Variants in FAT3 observed in about 807,000 individuals in gnomAD.
FAT3 encodes the protein protocadherin Fat 3.
FAT3 carries 95 observed loss-of-function variants against 310.2 expected under a neutral mutation model. That is an observed-to-expected ratio of 0.31 (90% CI 0.26 to 0.36). FAT3 has a LOEUF of 0.36. FAT3 is among the 10% of genes least tolerant of loss of function. The pLI is 1.00. For missense variants in FAT3, 5,408 were observed against 5,715.6 expected (o/e 0.95, Z 1.74); for synonymous variants, 2,314 against 2,192.9 (o/e 1.06, Z -1.54).
chr11:92,703,741 G>T (rs572550251), intron 4 of FAT3, among the ~76,000 whole-genome samples: 5 of 152,312 alleles, frequency 3.3e-5, no homozygotes, highest in Admixed American at 6.5e-5. Flanking sequence ...ACTGTTCAAG[G>T]CCTGGCATTG....
chr11:92,558,153 A>G (rs1461049881), intron 3 of FAT3, among the ~76,000 whole-genome samples: 1 of 152,222 alleles, frequency 6.6e-6, no homozygotes. Flanking sequence ...CCAGGAGAGC[A>G]GAGGGTACTT....
rs545899756 is a variant in FAT3 at position 92,531,879 on chromosome 11, T to C, written c.3607+6931T>C. On this transcript the variant is annotated intron_variant, in intron 3 of 27. Transcript: ENST00000525166. ...CGTCGTGGGGAGCTGTTCTATATGT[T>C]ATATAAGATGTTCAGCAGTATCCCT... Among the ~76,000 whole-genome samples the C allele has an allele frequency of 2.9e-4, 44 of 152,248 alleles. 1 individual carries two copies. Among genetic ancestry groups the C allele is most frequent in the African/African-American group, 1.0e-3 (43 of 41,532 alleles).
intron 2 of FAT3, among the ~76,000 whole-genome samples, chr11:92,442,111 A>ATATATTTTTTTTT (rs1453396603): frequency 2.2e-5 from 1 of 45,212 alleles, no homozygotes; most frequent in African/African-American, 1.8e-4. Context: ...ATATATATAT[A>ATATATTTTTTTTT]TTTTTTTTTT....
intron 2 of FAT3, among the ~76,000 whole-genome samples, chr11:92,475,255 T>G (rs994474181): frequency 6.6e-6 from 1 of 152,190 alleles, no homozygotes; most frequent in African/African-American, 2.4e-5. Context: ...AAAATCCTTA[T>G]GCTGTTTTTA....
chr11:92,548,989 C>G lies in FAT3; in HGVS notation c.3607+24041C>G, dbSNP rs566795809. On this transcript the variant is annotated intron_variant, in intron 3 of 27. Transcript: ENST00000525166. ...TATTCTCTTATTTAGTATATTAAGT[C>G]AATTGATTAAAAGCAGAAAACCTGG... Among the ~76,000 whole-genome samples, 5 of 152,220 alleles carry G rather than the reference C, an allele frequency of 3.3e-5. No homozygotes were observed. The South Asian group carries it at 1.0e-3, about 32-fold the overall frequency.
rs770989041 is a variant in FAT3, at chr11:92,790,155, C to T, written c.4548C>T (p.Gly1516=). ...MRKFRIDPST[G]VLYTAERLDH... is the part of the protein sequence containing the mutation. ...AATTCCGGATTGACCCTAGCACTGGCGTGCTCTATACTGCCGAGAGGCTGG... is the reference window on the plus strand; with the variant it reads ...AATTCCGGATTGACCCTAGCACTGGTGTGCTCTATACTGCCGAGAGGCTGG... Residue 1516 remains glycine, a synonymous_variant, in exon 8 of 28, where the codon GGC becomes GGT. Transcript: ENST00000525166. The T allele has an allele frequency of 1.9e-5, 30 of 1,613,586 alleles. No homozygotes were observed. In the Admixed American group the frequency reaches 3.3e-4, roughly 18 times the overall value.
rs775545761 is a variant in FAT3 at position 92,890,788 on chromosome 11, G to T, written c.13445G>T (p.Cys4482Phe). The change falls in exon 28 of 28, where the codon TGC becomes TTC. Residue 4482 changes from cysteine to phenylalanine, a missense_variant. By Grantham distance (205) the Cys-to-Phe change is radical (BLOSUM62 -2). Transcript: ENST00000525166. ...CTGGCCAGCACACTGAGCCCAGACT[G>T]CAGGAGAAGGCCCCAGTTTCATCCT... ...VSLASTLSPD[C>F]RRRPQFHPSQ... The T allele has an allele frequency of 2.0e-5, 33 of 1,613,694 alleles. No homozygotes were observed. The highest frequency in any genetic ancestry group is 1.8e-4 in the South Asian group (16 of 91,066).
At chr11:92,331,876 G>A (rs1372151029) in intron 1 of FAT3, among the ~76,000 whole-genome samples, 1 of 152,134 alleles carries the variant, frequency 6.6e-6, no homozygotes, top group Non-Finnish European at 1.5e-5. Flanking sequence ...AAGTACTAAA[G>A]CTGGGATAAA....
intron 3 of FAT3, among the ~76,000 whole-genome samples, chr11:92,544,338 A>T (rs574483178): frequency 6.6e-6 from 1 of 152,312 alleles, no homozygotes; most frequent in African/African-American, 2.4e-5. Context: ...AATCAATTGT[A>T]CATTTCAAAA....
intron 3 of FAT3, among the ~76,000 whole-genome samples, chr11:92,633,581 A>G (rs1941642009): frequency 6.6e-6 from 1 of 152,148 alleles, no homozygotes; most frequent in South Asian, 2.1e-4. Context: ...GGGATAAAAA[A>G]GCAAATTTTT....
At chr11:92,434,056 G>A (rs1228984934) in intron 2 of FAT3, among the ~76,000 whole-genome samples, 1 of 151,728 alleles carries the variant, frequency 6.6e-6, no homozygotes, top group African/African-American at 2.4e-5. Flanking sequence ...TGGATTGAGA[G>A]GGTTGAACTT....
intron 2 of FAT3, among the ~76,000 whole-genome samples, chr11:92,473,132 G>C (rs1951953274): frequency 6.6e-6 from 1 of 152,122 alleles, no homozygotes. Flanking sequence ...ACACATGGCA[G>C]CCTTCACTTG....
rs562496275 is a variant in FAT3, at chr11:92,392,387, G to T, written c.3292+36983G>T. ...CATGTTTAAGAGATGAAGAAATAAG[G>T]TTTGGGGCATTTGGTGAGCCAGGAC... is the stretch of plus-strand genomic sequence containing the variant. On this transcript the variant is annotated intron_variant, in intron 2 of 27. Coordinates refer to ENST00000525166, the MANE Select transcript of FAT3 (RefSeq NM_001367949.2). Among the ~76,000 whole-genome samples the T allele has an allele frequency of 1.7e-3, 263 of 152,086 alleles. 1 individual carries two copies. The highest frequency in any genetic ancestry group is 6.2e-3 in the African/African-American group (257 of 41,482).
intron 7 of FAT3, among the ~76,000 whole-genome samples, chr11:92,784,923 G>A (rs903240411): frequency 9.9e-5 from 15 of 151,696 alleles, no homozygotes; most frequent in South Asian, 8.3e-4. Context: ...AAATATTTTA[G>A]CATCTTGACT....
At chr11:92,689,581 C>T (rs1943738073) in intron 3 of FAT3, among the ~76,000 whole-genome samples, 1 of 152,118 alleles carries the variant, frequency 6.6e-6, no homozygotes, top group African/African-American at 2.4e-5. Flanking sequence ...AATCGGAAGG[C>T]AGAACCGGAG....
intron 1 of FAT3, among the ~76,000 whole-genome samples, chr11:92,306,705 AAT>A (rs1379067483): frequency 8.1e-6 from 1 of 123,972 alleles, no homozygotes; most frequent in Admixed American, 1.1e-4. Flanking sequence ...GAGGCTCATA[AAT>A]ATATATATTT....
chr11:92,388,395 T>C (rs1949675701), intron 2 of FAT3, among the ~76,000 whole-genome samples: 1 of 152,162 alleles, frequency 6.6e-6, no homozygotes, highest in South Asian at 2.1e-4. Flanking sequence ...TTATTCCTCA[T>C]TTGTTTGATA....
chr11:92,698,726 A>G (rs1006368714), intron 4 of FAT3, among the ~76,000 whole-genome samples: 2 of 152,210 alleles, frequency 1.3e-5, no homozygotes, highest in African/African-American at 4.8e-5. Context: ...AATCCTTTTA[A>G]CAGGATGCAG....
intron 4 of FAT3, among the ~76,000 whole-genome samples, chr11:92,753,798 G>GTGTGTGTGTGTGTATATA: frequency 8.4e-6 from 1 of 119,116 alleles, no homozygotes; most frequent in African/African-American, 3.9e-5. Context: ...GTGTGTGTGT[G>GTGTGTGTGTGTGTATATA]TATATATATA....
Sources: allele counts gnomAD v4.1 joint callset (sites outside exome capture counted in the v4.1 genomes callset), GRCh38; gene constraint gnomAD v4.1.1; transcripts MANE v1.5; gene names NCBI Gene and HGNC (gene_info 2026-07-23, HGNC 2026-07-21).